Variants in RANBP9 observed in about 807,000 individuals in gnomAD.
The protein encoded by RANBP9 is ran-binding protein 9.
A neutral mutation model predicts 84.3 loss-of-function variants in RANBP9; 15 were observed. The observed-to-expected ratio is 0.18, with a 90% CI of 0.12 to 0.27. The LOEUF (loss-of-function observed/expected upper bound fraction) is 0.27, where lower values mean the gene tolerates loss of function less well. Among genes scored for constraint, RANBP9 ranks in the 10% least tolerant of loss-of-function variants. RANBP9 has a pLI of 1.00. For missense variants in RANBP9, 809 were observed against 912.8 expected, an observed-to-expected ratio of 0.89 and a Z score of 1.46; for synonymous variants, 392 against 349.6, an observed-to-expected ratio of 1.12 and a Z score of -1.35.
intron 1 of RANBP9, among the ~76,000 whole-genome samples, chr6:13,706,005 G>A (rs944936198): frequency 3.9e-5 from 6 of 152,046 alleles, no homozygotes; most frequent in Admixed American, 6.6e-5. Context: ...ATTATATTTA[G>A]GAAGTGTTCA....
chr6:13,634,585 A>C (rs771275264), intron 10 of RANBP9, 33 bp from the exon 11 acceptor site: 5 of 1,571,502 alleles, frequency 3.2e-6, no homozygotes, highest in East Asian at 2.3e-5. Context: ...AATTTTAGAA[A>C]TATCATACTT....
chr6:13,658,629 A>G, intron 3 of RANBP9, 151 bp downstream of exon 3: 1 of 716,378 alleles, frequency 1.4e-6, no homozygotes, highest in Non-Finnish European at 2.3e-6. Context: ...ACAAAACAAA[A>G]AAACCCCACT....
chr6:13,630,214 GAA>G (rs1352130104), intron 12 of RANBP9, among the ~76,000 whole-genome samples: 1 of 152,130 alleles, frequency 6.6e-6, no homozygotes, highest in Non-Finnish European at 1.5e-5. Flanking sequence ...AGAGTATTAA[GAA>G]AGTCTCTGAA....
intron 2 of RANBP9, among the ~76,000 whole-genome samples, chr6:13,691,849 T>C (rs1367752662): frequency 6.6e-6 from 1 of 152,138 alleles, no homozygotes; most frequent in East Asian, 1.9e-4. Context: ...GTATTTTTAG[T>C]AGAGACGGGG....
intron 1 of RANBP9, among the ~76,000 whole-genome samples, chr6:13,709,985 T>C (rs2113377161): frequency 6.6e-6 from 1 of 152,308 alleles, no homozygotes; most frequent in South Asian, 2.1e-4. Context: ...ACTGATACGT[T>C]AGGTTGATTT....
At chr6:13,693,729 T>C (rs554238576) in intron 2 of RANBP9, among the ~76,000 whole-genome samples, 5 of 152,246 alleles carry the variant, frequency 3.3e-5, no homozygotes, top group East Asian at 1.9e-4. Context: ...AAAAAATGTA[T>C]ATATGAAAAA....
chr6:13,696,842 G>A lies in RANBP9; in HGVS notation c.626C>T (p.Pro209Leu). 6.2e-7 allele frequency: 1 copy of A among 1,613,210 alleles called. No individual in the cohort carries two copies. Among genetic ancestry groups the A allele is most frequent in the Non-Finnish European group, 8.5e-7 (1 of 1,179,522 alleles). The stretch of plus-strand genomic sequence containing the variant: ...AAAATAATAAATCCCACAGGCTGCT[G>A]GTATTGGATGCGTGGCTCGAACTGA... The part of the protein sequence containing the change: ...AASVRATHPI[P>L]AACGIYYFEV... The change falls in exon 2 of 14, where the codon CCA becomes CTA. Residue 209 changes from proline (P) to leucine (L), a missense_variant. By Grantham distance (98) the Pro-to-Leu change is moderately conservative. Coordinates refer to ENST00000011619, the MANE Select transcript of RANBP9 (RefSeq NM_005493.3).
Position 13,651,193 on chromosome 6 carries a change from GT to G in RANBP9, c.927+1465del, listed in dbSNP as rs201130959. ...GGAGGCATTATGTCACAGTTTGTTA[GT>G]TTTTTTCCCCCTTGGTGTCACAGAT... On this transcript the variant is annotated intron_variant, in intron 5 of 13. Coordinates refer to ENST00000011619, the MANE Select transcript of RANBP9 (RefSeq NM_005493.3). 3.4e-3 allele frequency among the ~76,000 whole-genome samples: 524 copies of G among 152,068 alleles called. 2 individuals carry two copies. Among genetic ancestry groups the G allele is most frequent in the African/African-American group, 0.012 (491 of 41,478 alleles).
chr6:13,650,833 G>A (rs751401714), intron 5 of RANBP9, among the ~76,000 whole-genome samples: 9 of 152,086 alleles, frequency 5.9e-5, no homozygotes, highest in African/African-American at 1.2e-4. Flanking sequence ...GCATGCTGGC[G>A]TGCACCTGTG....
At chr6:13,683,714 T>C (rs1451136762) in intron 2 of RANBP9, among the ~76,000 whole-genome samples, 1 of 152,086 alleles carries the variant, frequency 6.6e-6, no homozygotes, top group Non-Finnish European at 1.5e-5. Context: ...AGGATTTGTT[T>C]ATTTGATTTT....
At chr6:13,641,964 C>T (rs1254712836) in intron 7 of RANBP9, among the ~76,000 whole-genome samples, 1 of 152,156 alleles carries the variant, frequency 6.6e-6, no homozygotes, top group African/African-American at 2.4e-5. Context: ...ACAAACAGCA[C>T]CAATTTTAGG....
chr6:13,641,064 T>G, intron 8 of RANBP9, 135 bp downstream of exon 8: 1 of 495,490 alleles, frequency 2.0e-6, no homozygotes, highest in Non-Finnish European at 3.4e-6. Context: ...GTTGCTTAAA[T>G]GACATTACAA....
At chr6:13,627,630 C>CA (rs35401168) in intron 12 of RANBP9, among the ~76,000 whole-genome samples, 11,154 of 61,964 alleles carry the variant, frequency 0.18, 405 homozygotes, top group Non-Finnish European at 0.22. Flanking sequence ...ACTCCATCTC[C>CA]AAAAAAAAAA....
In RANBP9 at chr6:13,625,665, T is replaced by C; in HGVS notation, c.2047A>G (p.Ser683Gly). 6.2e-7 allele frequency: 1 copy of C among 1,605,344 alleles called. No homozygotes were observed. The highest frequency in any genetic ancestry group is 8.5e-7 in the Non-Finnish European group (1 of 1,172,566). ...TGGCTTTACTTACCTAATATTGCACTGTTAAGAGCTGAGCACACAGGTTCT... is the reference window on the plus strand; with the variant it reads ...TGGCTTTACTTACCTAATATTGCACCGTTAAGAGCTGAGCACACAGGTTCT... ...QREPVCSALNSAILETHNLPK... is the reference protein window; with the variant it reads ...QREPVCSALNGAILETHNLPK... The change falls in exon 13 of 14, where the codon AGT becomes GGT. Residue 683 changes from serine (S) to glycine (G), a missense_variant. Ser to Gly is a moderately conservative substitution (Grantham distance 56). Around this residue, in one of 5 missense-constraint regions of RANBP9, gnomAD observed 233 missense variants for 234.4 expected, o/e 0.99. Coordinates refer to ENST00000011619, the MANE Select transcript of RANBP9 (RefSeq NM_005493.3).
rs147555978 is a variant in RANBP9, at chr6:13,683,942, T to C, written c.683+12843A>G. Among the ~76,000 whole-genome samples the C allele has an allele frequency of 2.7e-3, 405 of 152,302 alleles. 2 individuals carry two copies. Among genetic ancestry groups the C allele is most frequent in the African/African-American group, 9.5e-3 (394 of 41,572 alleles). On this transcript the variant is annotated intron_variant, in intron 2 of 13. Transcript: ENST00000011619. Reference sequence around the variant, plus strand: ...CACTTTTCCCATATTTCATACCTTCTTAAATAACCAATTTTTCTCTCCACC... The same window carrying C: ...CACTTTTCCCATATTTCATACCTTCCTAAATAACCAATTTTTCTCTCCACC...
intron 4 of RANBP9, among the ~76,000 whole-genome samples, chr6:13,655,851 A>C (rs1187934141): frequency 1.3e-5 from 2 of 152,236 alleles, no homozygotes; most frequent in Non-Finnish European, 2.9e-5. Flanking sequence ...ACAACAAATA[A>C]ATTCAAGAGG....
At chr6:13,699,245 G>A (rs1251756916) in intron 1 of RANBP9, among the ~76,000 whole-genome samples, 1 of 152,120 alleles carries the variant, frequency 6.6e-6, no homozygotes, top group Non-Finnish European at 1.5e-5. Context: ...TAAAGTACCA[G>A]TTATAAATCT....
At chr6:13,668,805 T>G (rs1033279874) in intron 2 of RANBP9, among the ~76,000 whole-genome samples, 1 of 152,118 alleles carries the variant, frequency 6.6e-6, no homozygotes, top group African/African-American at 2.4e-5. Flanking sequence ...ACTGAATACT[T>G]TGACCTTAAG....
At chr6:13,691,350 C>A (rs955421770) in intron 2 of RANBP9, among the ~76,000 whole-genome samples, 2 of 151,988 alleles carry the variant, frequency 1.3e-5, no homozygotes, top group African/African-American at 2.4e-5. Context: ...GAAATATATT[C>A]TTTCACTCAA....
Sources: allele counts gnomAD v4.1 joint callset (sites outside exome capture counted in the v4.1 genomes callset), GRCh38; gene constraint gnomAD v4.1.1; regional missense constraint gnomAD v4.1.1; transcripts MANE v1.5; gene names NCBI Gene and HGNC (gene_info 2026-07-23, HGNC 2026-07-21).